CUL5: variants seen among roughly 807,000 people sequenced by gnomAD.
The protein encoded by CUL5 is cullin 5.
CUL5 carries 26 observed loss-of-function variants against 108.8 expected under a neutral mutation model. That is an observed-to-expected ratio of 0.24 (90% CI 0.18 to 0.33). CUL5 has a LOEUF of 0.33. Among genes scored for constraint, CUL5 ranks in the 10% least tolerant of loss-of-function variants. The pLI is 1.00. For missense variants in CUL5, 524 were observed against 909.2 expected (o/e 0.58, Z 5.45); for synonymous variants, 334 against 298.0 (o/e 1.12, Z -1.25).
intron 16 of CUL5, among the ~76,000 whole-genome samples, chr11:108,097,154 A>G (rs1188838798): frequency 6.6e-6 from 1 of 152,072 alleles, no homozygotes. Context: ...AGTAGCTGGG[A>G]CTACAGGTGC....
rs1399894185 is a variant in CUL5 at position 108,106,711 on chromosome 11, T to TA, written c.*2330dup. On this transcript the variant is annotated 3_prime_UTR_variant, in exon 19 of 19. Transcript: ENST00000393094. ...AAAAAAAAATCTTACCAGCAGTTTG[T>TA]AAAGGTCTGGAATCACAGTTGGCAT... 2 of 151,732 alleles carry TA rather than the reference T, an allele frequency of 1.3e-5. No individual in the cohort carries two copies. Among genetic ancestry groups the TA allele is most frequent in the Admixed American group, 1.3e-4 (2 of 15,146 alleles). The allele number at this position is 151,732 out of a possible 1,614,324, so 9.4% of individuals were successfully genotyped here. A position where few individuals can be genotyped will look rare whatever the true frequency, so the allele number is the denominator to read the frequency against.
intron 1 of CUL5, among the ~76,000 whole-genome samples, chr11:108,017,602 C>CA (rs1337990650): frequency 6.6e-6 from 1 of 152,152 alleles, no homozygotes; most frequent in Non-Finnish European, 1.5e-5. Flanking sequence ...GTAATTGCAG[C>CA]ACTTTGAGAA....
At chr11:108,088,975 T>TC (rs1345617756) in intron 12 of CUL5, among the ~76,000 whole-genome samples, 2 of 152,190 alleles carry the variant, frequency 1.3e-5, no homozygotes, top group African/African-American at 2.4e-5. Context: ...TGGGAGTTTT[T>TC]CACTCCTTCC....
intron 7 of CUL5, among the ~76,000 whole-genome samples, chr11:108,068,573 C>T (rs1364220493): frequency 6.6e-6 from 1 of 152,042 alleles, no homozygotes. Context: ...ATGTCAATTC[C>T]AAAGGAATTT....
chr11:108,087,826 A>G (rs1864258408), intron 11 of CUL5, among the ~76,000 whole-genome samples: 1 of 152,120 alleles, frequency 6.6e-6, no homozygotes. Context: ...TTAGCCGGGC[A>G]TGGTGGCGGG....
intron 1 of CUL5, among the ~76,000 whole-genome samples, chr11:108,020,049 G>A (rs1862291255): frequency 2.6e-5 from 4 of 151,970 alleles, no homozygotes; most frequent in Admixed American, 2.6e-4. Context: ...ACCCCCACTG[G>A]CATTCATCTG....
intron 7 of CUL5, among the ~76,000 whole-genome samples, chr11:108,069,369 C>T (rs1269813271): frequency 6.6e-6 from 1 of 152,142 alleles, no homozygotes; most frequent in Non-Finnish European, 1.5e-5. Context: ...TGCAGCCTAT[C>T]TTTCTAGCCT....
intron 11 of CUL5, 69 bp from the exon 12 acceptor site, chr11:108,088,458 T>C (rs1864275166): frequency 2.0e-6 from 3 of 1,471,206 alleles, no homozygotes; most frequent in African/African-American, 2.8e-5. Context: ...TGTGAATCAT[T>C]GACTTTAGAA....
intron 4 of CUL5, among the ~76,000 whole-genome samples, chr11:108,051,304 C>T (rs1411227046): frequency 6.6e-6 from 1 of 152,134 alleles, no homozygotes; most frequent in African/African-American, 2.4e-5. Context: ...TTGTGGGAAG[C>T]AGCATCCACT....
intron 10 of CUL5, 58 bp downstream of exon 10, chr11:108,073,555 T>G: frequency 4.1e-6 from 3 of 738,910 alleles, no homozygotes; most frequent in Non-Finnish European, 6.4e-6. Context: ...CATAATTTAC[T>G]TCTAATAATC....
Position 108,009,250 on chromosome 11 carries a change from G to C in CUL5, c.-99G>C. The C allele has an allele frequency of 8.9e-6, 12 of 1,353,096 alleles. No homozygotes were observed. Among genetic ancestry groups the C allele is most frequent in the South Asian group, 3.6e-5 (3 of 82,906 alleles). 83.8% of individuals were successfully genotyped at this position (1,353,096 alleles called of 1,614,324 possible). The stretch of plus-strand genomic sequence containing the variant: ...CCACCACACCCTGGTGCGGGCCGAC[G>C]GGCCCTGGGCCCTGGTGGGAGCTCC... On this transcript the variant is annotated 5_prime_UTR_variant, in exon 1 of 19. Coordinates refer to ENST00000393094, the MANE Select transcript of CUL5 (RefSeq NM_003478.6).
chr11:108,018,878 C>G (rs548544163), intron 1 of CUL5, among the ~76,000 whole-genome samples: 32 of 152,256 alleles, frequency 2.1e-4, no homozygotes, highest in Middle Eastern at 3.4e-3. Context: ...CCTCCAGGTT[C>G]TGCCATTTGC....
At chr11:108,080,641 G>A (rs977652428) in intron 11 of CUL5, among the ~76,000 whole-genome samples, 15 of 151,958 alleles carry the variant, frequency 9.9e-5, no homozygotes, top group East Asian at 3.9e-4. Context: ...TGATTTGCCC[G>A]CCTCGGCATC....
At chr11:108,060,778 A>G (rs1369829620) in intron 7 of CUL5, among the ~76,000 whole-genome samples, 1 of 152,010 alleles carries the variant, frequency 6.6e-6, no homozygotes, top group African/African-American at 2.4e-5. Flanking sequence ...CGGAGGTTGC[A>G]GTGAGATCGC....
intron 3 of CUL5, among the ~76,000 whole-genome samples, chr11:108,047,762 TAC>T (rs1215006475): frequency 1.3e-5 from 2 of 152,354 alleles, no homozygotes; most frequent in East Asian, 1.9e-4. Context: ...AATTTAGAGA[TAC>T]AGTTTCTACT....
rs145344038 is a variant in CUL5 at position 108,024,948 on chromosome 11, C to T, written c.25-8854C>T. Reference sequence around the variant, plus strand: ...ACTCTCTCTAGTGCTTTTATTCCAACAGTCCACCTCCACTACTAAAGCCTT... The same window carrying T: ...ACTCTCTCTAGTGCTTTTATTCCAATAGTCCACCTCCACTACTAAAGCCTT... On this transcript the variant is annotated intron_variant, in intron 1 of 18. Coordinates refer to ENST00000393094, the MANE Select transcript of CUL5 (RefSeq NM_003478.6). Among the ~76,000 whole-genome samples the T allele has an allele frequency of 3.3e-5, 5 of 152,360 alleles. No homozygotes were observed. The East Asian group carries it at 9.6e-4, about 29-fold the overall frequency.
At chr11:108,072,504 C>T in intron 9 of CUL5, 42 bp downstream of exon 9, 2 of 1,523,044 alleles carry the variant, frequency 1.3e-6, no homozygotes, top group Middle Eastern at 1.7e-4. Flanking sequence ...TATATCAAGG[C>T]TATTTTTTAA....
intron 10 of CUL5, among the ~76,000 whole-genome samples, chr11:108,074,620 C>G (rs1178497390): frequency 3.9e-5 from 6 of 151,950 alleles, no homozygotes; most frequent in Non-Finnish European, 8.8e-5. Context: ...GCCTGATCAA[C>G]ATGGAGAAAC....
At chr11:108,030,573 G>T (rs1363758762) in intron 1 of CUL5, among the ~76,000 whole-genome samples, 2 of 152,230 alleles carry the variant, frequency 1.3e-5, no homozygotes, top group Non-Finnish European at 2.9e-5. Flanking sequence ...GGAGGCGGAG[G>T]TTGCGGTGAG....
Sources: allele counts gnomAD v4.1 joint callset (sites outside exome capture counted in the v4.1 genomes callset), GRCh38; gene constraint gnomAD v4.1.1; transcripts MANE v1.5; gene names NCBI Gene and HGNC (gene_info 2026-07-23, HGNC 2026-07-21).